Variants in KRT32 observed in about 807,000 individuals in gnomAD.
KRT32 encodes the protein keratin, type I cuticular Ha2.
In KRT32, 44 loss-of-function variants were observed where a neutral mutation model predicts 41.8. The observed-to-expected ratio is 1.05, with a 90% CI of 0.83 to 1.35. The LOEUF (loss-of-function observed/expected upper bound fraction) is 1.35. Ranked by LOEUF, KRT32 falls within the 40% of genes most tolerant of loss-of-function variation. The pLI is 0.00. For synonymous variants in KRT32, 238 were observed against 242.5 expected (o/e 0.98, Z 0.17); for missense variants, 576 against 584.6 (o/e 0.99, Z 0.15).
chr17:41,461,801 A>G (rs1181354841), intron 6 of KRT32, among the ~76,000 whole-genome samples: 1 of 152,252 alleles, frequency 6.6e-6, no homozygotes. Context: ...TGGAGAAGCA[A>G]TGCCAAATGC....
In KRT32 at chr17:41,462,885, G is replaced by T. The variant is rs779354010; in HGVS notation, c.1162C>A (p.Arg388=). ...EYQVLLDVRA[R]LEGEINTYRS... is the part of the protein sequence containing the mutation. ...TACGTGTTGATCTCGCCCTCCAGCC[G>T]GGCCCGGACGTCCAGCAGCACCTGG... Residue 388 remains arginine (R), a synonymous_variant, in exon 6 of 7, where the codon CGG becomes AGG. Transcript: ENST00000225899. 6.3e-7 allele frequency: 1 copy of T among 1,579,210 alleles called. No homozygotes were observed. The highest frequency in any genetic ancestry group is 8.6e-7 in the Non-Finnish European group (1 of 1,162,442).
chr17:41,462,071 C>T (rs2019006124), intron 6 of KRT32, among the ~76,000 whole-genome samples: 1 of 152,182 alleles, frequency 6.6e-6, no homozygotes, highest in Non-Finnish European at 1.5e-5. Flanking sequence ...TGAAGAACAG[C>T]TTTGAGCTTG....
At chr17:41,463,193 A>G (rs1249211199) in intron 5 of KRT32, 143 bp from the exon 6 acceptor site, 1 of 713,208 alleles carries the variant, frequency 1.4e-6, no homozygotes, top group East Asian at 2.7e-5. Flanking sequence ...GGAAGCCCAG[A>G]AAGGTCAAAT....
rs2019024417 is a variant in KRT32 at position 41,463,152 on chromosome 17, G to A, written c.997-102C>T. ...CAAATCTCCCTTTGATGCTGGAAAT[G>A]AGCCCTCCCTACACCAGTCACTTTG... On this transcript the variant is annotated intron_variant, in intron 5 of 6. Transcript: ENST00000225899. The A allele has an allele frequency of 2.3e-5, 25 of 1,101,038 alleles. No homozygotes were observed. In the Middle Eastern group the frequency reaches 8.2e-4, roughly 36 times the overall value. 68.2% of individuals were successfully genotyped at this position (1,101,038 alleles called of 1,614,324 possible). A position where few individuals can be genotyped will look rare whatever the true frequency, so the allele number is the denominator to read the frequency against.
At chr17:41,466,011 A>G in intron 2 of KRT32, 82 bp from the exon 3 acceptor site, 4 of 1,601,502 alleles carry the variant, frequency 2.5e-6, no homozygotes, top group Non-Finnish European at 2.6e-6. Context: ...GCACTTTCCA[A>G]CCCTCCGTGA....
intron 6 of KRT32, 64 bp from the exon 7 acceptor site, chr17:41,460,303 C>G (rs2018989407): frequency 6.5e-7 from 1 of 1,533,870 alleles, no homozygotes; most frequent in Non-Finnish European, 8.8e-7. Context: ...ACAGGTCCTG[C>G]CAATTCTCCC....
intron 5 of KRT32, 131 bp downstream of exon 5, chr17:41,463,947 G>A: frequency 2.1e-6 from 2 of 937,116 alleles, no homozygotes. Context: ...CTCCCTCCGG[G>A]AAAAGTCAAC....
intron 3 of KRT32, among the ~76,000 whole-genome samples, chr17:41,464,978 G>A (rs573781994): frequency 1.8e-4 from 27 of 152,298 alleles, no homozygotes; most frequent in African/African-American, 4.6e-4. Flanking sequence ...CGGTGAGTAC[G>A]TGGTGACTGA....
rs898752286 is a variant in KRT32 at position 41,462,829 on chromosome 17, C to T, written c.1217+1G>A. 2 of 1,612,946 alleles carry T rather than the reference C, an allele frequency of 1.2e-6. No individual in the cohort carries two copies. Among genetic ancestry groups the T allele is most frequent in the Non-Finnish European group, 1.7e-6 (2 of 1,179,862 alleles). ...TCTAAGCCTCAGCTGGGCCTGCGTA[C>T]TTGCAGTCCTCGTTCTCCAGCAGGC... On this transcript the variant is annotated splice_donor_variant, in intron 6 of 6. Transcript: ENST00000225899. LOFTEE classifies it high-confidence loss of function.
rs367815390 is a variant in KRT32 at position 41,466,082 on chromosome 17, G to C, written c.551+12C>G. 1 of 1,613,446 alleles carries C rather than the reference G, an allele frequency of 6.2e-7. No homozygotes were observed. Among genetic ancestry groups the C allele is most frequent in the African/African-American group, 1.3e-5 (1 of 74,916 alleles). ...AGGTCCTCCCCAGCTCCAGCCCCCC[G>C]ACTGAACTCACTTGGCCCTGAAGTC... On this transcript the variant is annotated intron_variant, in intron 2 of 6. Coordinates refer to ENST00000225899, the MANE Select transcript of KRT32 (RefSeq NM_002278.3).
Position 41,460,030 on chromosome 17 carries a change from T to C in KRT32, c.*80A>G. Reference sequence around the variant, plus strand: ...CAGGGTCTTCCTTGCTGACCGGGGCTGGCCCTGCTCTTCTGGTGGCCACTG... The same window carrying C: ...CAGGGTCTTCCTTGCTGACCGGGGCCGGCCCTGCTCTTCTGGTGGCCACTG... On this transcript the variant is annotated 3_prime_UTR_variant, in exon 7 of 7. Transcript: ENST00000225899. 7.0e-7 allele frequency: 1 copy of C among 1,437,326 alleles called. No homozygotes were observed. The highest frequency in any genetic ancestry group is 9.3e-7 in the Non-Finnish European group (1 of 1,079,460). 89.0% of individuals were successfully genotyped at this position (1,437,326 alleles called of 1,614,324 possible).
rs11389719 is a variant in KRT32 at position 41,463,706 on chromosome 17, C to CAA, written c.996+370_996+371dup. 2.7e-3 allele frequency among the ~76,000 whole-genome samples: 391 copies of CAA among 145,312 alleles called. 2 individuals are homozygous for CAA. The highest frequency in any genetic ancestry group is 6.7e-3 in the African/African-American group (264 of 39,426). The stretch of plus-strand genomic sequence containing the variant: ...TGGGCAACAGAGTGAGACTCCATCT[C>CAA]AAAAAAAAAAAAATAGCTGTGATCA... On this transcript the variant is annotated intron_variant, in intron 5 of 6. Transcript: ENST00000225899.
chr17:41,467,175 A>C lies in KRT32; in HGVS notation c.151T>G (p.Cys51Gly), dbSNP rs541051880. The change falls in exon 1 of 7, where the codon TGC (cysteine) becomes GGC (glycine). Residue 51 changes from cysteine (C) to glycine (G), a missense_variant. Physicochemically the swap from Cys to Gly is radical, Grantham distance 159. Transcript: ENST00000225899. ...GCTGGCCGGAAGGTGGTGGGCAGGCAGACCGAAGGCAGGCATGCCATGGGC... is the reference window on the plus strand; with the variant it reads ...GCTGGCCGGAAGGTGGTGGGCAGGCCGACCGAAGGCAGGCATGCCATGGGC... ...CQPMACLPSV[C>G]LPTTFRPASC... The C allele has an allele frequency of 2.5e-6, 4 of 1,614,020 alleles. No homozygotes were observed. The East Asian group carries it at 8.9e-5, about 36-fold the overall frequency.
intron 6 of KRT32, among the ~76,000 whole-genome samples, chr17:41,461,188 G>A (rs2018999145): frequency 6.6e-6 from 1 of 152,202 alleles, no homozygotes; most frequent in African/African-American, 2.4e-5. Flanking sequence ...CTTTCATCGT[G>A]AGTAGTAATC....
intron 6 of KRT32, 149 bp downstream of exon 6, chr17:41,462,681 C>A: frequency 1.2e-6 from 1 of 858,084 alleles, no homozygotes; most frequent in South Asian, 1.8e-5. Context: ...CACTGCCTGA[C>A]TTCCTTCAGA....
intron 6 of KRT32, among the ~76,000 whole-genome samples, chr17:41,461,907 A>C (rs2019004487): frequency 6.6e-6 from 1 of 152,172 alleles, no homozygotes; most frequent in Non-Finnish European, 1.5e-5. Flanking sequence ...TGCTGATTCT[A>C]CCTGCACAGT....
intron 5 of KRT32, among the ~76,000 whole-genome samples, chr17:41,463,637 G>T (rs34991239): frequency 0.092 from 13,992 of 151,910 alleles, 716 homozygotes; most frequent in African/African-American, 0.12. Flanking sequence ...CCCAGCGGGG[G>T]CAGAGGTTGC....
Position 41,464,325 on chromosome 17 carries a change from A to G in KRT32, c.827T>C (p.Val276Ala), listed in dbSNP as rs375993058. The change falls in exon 4 of 7, where the codon GTG (valine) becomes GCG (alanine). Residue 276 changes from valine (V) to alanine (A), a missense_variant. Coordinates refer to ENST00000225899, the MANE Select transcript of KRT32 (RefSeq NM_002278.3). ...CTCCACGTCCCTGCGGTTGGCCTCC[A>G]CCATGGCCTCGTACTGACACCGCAT... ...EEMRCQYEAMVEANRRDVEEW... is the reference protein window; with the variant it reads ...EEMRCQYEAMAEANRRDVEEW... The G allele has an allele frequency of 6.2e-7, 1 of 1,610,572 alleles. No homozygotes were observed. The highest frequency in any genetic ancestry group is 1.7e-5 in the Admixed American group (1 of 59,690).
chr17:41,463,030 C>A lies in KRT32; in HGVS notation c.1017G>T (p.Thr339=), dbSNP rs1190610241. 2 of 1,613,462 alleles carry A rather than the reference C, an allele frequency of 1.2e-6. No homozygotes were observed. Among genetic ancestry groups the A allele is most frequent in the East Asian group, 4.5e-5 (2 of 44,866 alleles). The change falls in exon 6 of 7, where the codon ACG becomes ACT. Residue 339 remains threonine, a synonymous_variant. Transcript: ENST00000225899. ...QHSLRDSLEN[T]LTESEARYSS... ...TGTAGCGGGCCTCACTCTCCGTCAG[C>A]GTGTTTTCCAGGGAGTCCCTCTAAG... is the stretch of plus-strand genomic sequence containing the variant.
Sources: allele counts gnomAD v4.1 joint callset (sites outside exome capture counted in the v4.1 genomes callset), GRCh38; gene constraint gnomAD v4.1.1; transcripts MANE v1.5; gene names NCBI Gene and HGNC (gene_info 2026-07-23, HGNC 2026-07-21).